Variants in KAT7 observed in about 807,000 individuals in gnomAD.
KAT7 encodes histone acetyltransferase KAT7.
Under a neutral mutation model 82.1 loss-of-function variants are expected in KAT7, and 10 were observed. The observed-to-expected ratio is 0.12, with a 90% confidence interval of 0.08 to 0.21. The LOEUF is 0.21. KAT7 is among the 10% of genes least tolerant of loss of function. KAT7 has a pLI of 1.00. For synonymous variants in KAT7, 250 were observed against 262.5 expected (o/e 0.95, Z 0.46); for missense variants, 378 against 760.9 (o/e 0.50, Z 5.92).
chr17:49,796,349 A>G (rs2073955712), intron 2 of KAT7, among the ~76,000 whole-genome samples: 1 of 152,256 alleles, frequency 6.6e-6, no homozygotes, highest in Non-Finnish European at 1.5e-5. Context: ...TGTACCACGG[A>G]TCATGTTAAG....
chr17:49,815,711 G>A, intron 7 of KAT7, 92 bp from the exon 8 acceptor site: 1 of 792,046 alleles, frequency 1.3e-6, no homozygotes, highest in South Asian at 1.5e-5. Flanking sequence ...ATAGCTTATG[G>A]TTGTGTGGTT....
At chr17:49,826,203 GGTAT>G in intron 13 of KAT7, 57 bp downstream of exon 13, 1 of 1,535,568 alleles carries the variant, frequency 6.5e-7, no homozygotes, top group Non-Finnish European at 9.0e-7. Flanking sequence ...AACTCTACTG[GGTAT>G]TGTGTTTCCC....
Position 49,808,680 on chromosome 17 carries a change from G to T in KAT7, c.664-439G>T, listed in dbSNP as rs555737936. ...TTGGCCAGGCTGGTCTCAAACTCCTGACCTTAGCTAATCTGCCCGCCTCAG... is the reference window on the plus strand; with the variant it reads ...TTGGCCAGGCTGGTCTCAAACTCCTTACCTTAGCTAATCTGCCCGCCTCAG... On this transcript the variant is annotated intron_variant, in intron 5 of 14. Coordinates refer to ENST00000259021, the MANE Select transcript of KAT7 (RefSeq NM_007067.5). Among the ~76,000 whole-genome samples the T allele has an allele frequency of 4.6e-5, 7 of 152,178 alleles. No homozygotes were observed. In the East Asian group the frequency reaches 9.7e-4, roughly 21 times the overall value.
chr17:49,794,858 T>C (rs569892024), intron 2 of KAT7, among the ~76,000 whole-genome samples: 11 of 152,280 alleles, frequency 7.2e-5, no homozygotes, highest in African/African-American at 2.4e-4. Flanking sequence ...TGTAAGGTGG[T>C]CCTCCCTAGA....
intron 4 of KAT7, 57 bp from the exon 5 acceptor site, chr17:49,805,305 CA>C: frequency 8.4e-7 from 1 of 1,196,308 alleles, no homozygotes; most frequent in Middle Eastern, 1.9e-4. Context: ...CTTAGAGAAA[CA>C]TACTACTTTC....
At position 49,826,685 on chromosome 17, in the gene KAT7, TG is replaced by T; in HGVS notation, c.1628-7del. 1 of 1,604,296 alleles carries T rather than the reference TG, an allele frequency of 6.2e-7. No homozygotes were observed. On this transcript the variant is annotated splice_polypyrimidine_tract_variant and splice_region_variant and intron_variant, in intron 13 of 14. Coordinates refer to ENST00000259021, the MANE Select transcript of KAT7 (RefSeq NM_007067.5). Reference sequence around the variant, plus strand: ...TTGGCCAGGTTGTCAGTACTTCTTCTGTTTCAGAAATCAGTCAGGAGACGGC... The same window carrying T: ...TTGGCCAGGTTGTCAGTACTTCTTCTTTTCAGAAATCAGTCAGGAGACGGC...
intron 4 of KAT7, among the ~76,000 whole-genome samples, chr17:49,803,429 T>C (rs139501706): frequency 6.6e-6 from 1 of 151,194 alleles, no homozygotes; most frequent in Non-Finnish European, 1.5e-5. Context: ...TTATTTATTT[T>C]ATTTTATTTT....
At chr17:49,819,157 C>T (rs1054387322) in intron 9 of KAT7, among the ~76,000 whole-genome samples, 2 of 152,050 alleles carry the variant, frequency 1.3e-5, no homozygotes, top group African/African-American at 2.4e-5. Context: ...CCCAGGTTTC[C>T]TGTGATTTCT....
chr17:49,816,008 T>C (rs2074229446), intron 8 of KAT7, 95 bp downstream of exon 8: 2 of 699,960 alleles, frequency 2.9e-6, no homozygotes, highest in Non-Finnish European at 5.0e-6. Context: ...GGGAATTAAA[T>C]GTACCTTGCT....
At position 49,805,457 on chromosome 17, in the gene KAT7, C is replaced by T. The variant is rs2074079349; in HGVS notation, c.663+12C>T. ...CTGACGAATGCAAGGTAATTGTGCT[C>T]TCATTTATTCAACACATGCTTATTG... On this transcript the variant is annotated intron_variant, in intron 5 of 14. Transcript: ENST00000259021. 1 of 1,589,412 alleles carries T rather than the reference C, an allele frequency of 6.3e-7. No individual in the cohort carries two copies. The highest frequency in any genetic ancestry group is 8.6e-7 in the Non-Finnish European group (1 of 1,157,954).
intron 2 of KAT7, among the ~76,000 whole-genome samples, chr17:49,794,750 A>G (rs1214110579): frequency 1.3e-5 from 2 of 152,240 alleles, no homozygotes; most frequent in African/African-American, 4.8e-5. Flanking sequence ...TATTCAAAAC[A>G]GCTAGGAAAT....
In KAT7 at chr17:49,828,929, G is replaced by A. The variant is rs2074399590; in HGVS notation, c.*1427G>A. 1 of 152,996 alleles carries A rather than the reference G, an allele frequency of 6.5e-6. No homozygotes were observed. Among genetic ancestry groups the A allele is most frequent in the Admixed American group, 6.5e-5 (1 of 15,272 alleles). The allele number at this position is 152,996 out of a possible 1,614,324, so 9.5% of individuals were successfully genotyped here. On this transcript the variant is annotated 3_prime_UTR_variant, in exon 15 of 15. Transcript: ENST00000259021. ...GAGCTAATTTTAAGCATGTTCAGTG[G>A]CAGCTCCCCTCCAGTTTCAGTGTCA...
At chr17:49,803,451 G>C (rs941668404) in intron 4 of KAT7, among the ~76,000 whole-genome samples, 6 of 150,554 alleles carry the variant, frequency 4.0e-5, no homozygotes, top group Non-Finnish European at 8.9e-5. Context: ...TTGAGATGGA[G>C]TCTCGCTTTG....
At chr17:49,811,718 G>T in intron 7 of KAT7, 144 bp downstream of exon 7, 1 of 406,638 alleles carries the variant, frequency 2.5e-6, no homozygotes, top group Non-Finnish European at 4.5e-6. Context: ...GGCACTTAGA[G>T]TTTATTTCAT....
intron 2 of KAT7, among the ~76,000 whole-genome samples, chr17:49,795,854 T>C (rs1289329214): frequency 1.3e-5 from 2 of 152,202 alleles, no homozygotes; most frequent in Non-Finnish European, 2.9e-5. Context: ...GTGGTAAGAA[T>C]CTAGTTTATT....
intron 14 of KAT7, 128 bp downstream of exon 14, chr17:49,826,927 C>T (rs182224750): frequency 1.5e-5 from 9 of 603,246 alleles, no homozygotes; most frequent in Admixed American, 3.0e-5. Flanking sequence ...TTTACTGGGT[C>T]TCATTTCTGT....
chr17:49,833,972 A>G lies in KAT7; in HGVS notation c.*6470A>G, dbSNP rs1475043085. On this transcript the variant is annotated 3_prime_UTR_variant, in exon 15 of 15. Coordinates refer to ENST00000259021, the MANE Select transcript of KAT7 (RefSeq NM_007067.5). ...ACCACCTTGTGCAATTCCAGGGGAC[A>G]CTGTTTATGTTCCGTGTAAATGGCA... 7.9e-5 allele frequency: 12 copies of G among 152,136 alleles called. No homozygotes were observed. Among genetic ancestry groups the G allele is most frequent in the African/African-American group, 2.9e-4 (12 of 41,412 alleles). The allele number at this position is 152,136 out of a possible 1,614,324, so 9.4% of individuals were successfully genotyped here. A position where few individuals can be genotyped will look rare whatever the true frequency, so the allele number is the denominator to read the frequency against.
intron 5 of KAT7, among the ~76,000 whole-genome samples, chr17:49,806,902 CAGG>C (rs766879357): frequency 3.3e-5 from 5 of 152,200 alleles, no homozygotes; most frequent in Non-Finnish European, 4.4e-5. Flanking sequence ...CATGGAGGAT[CAGG>C]AGAATTTCTG....
Position 49,829,895 on chromosome 17 carries a change from T to C in KAT7, c.*2393T>C, listed in dbSNP as rs2144010948. 1 of 152,216 alleles carries C rather than the reference T, an allele frequency of 6.6e-6. No individual in the cohort carries two copies. The highest frequency in any genetic ancestry group is 2.4e-5 in the African/African-American group (1 of 41,510). 9.4% of individuals were successfully genotyped at this position (152,216 alleles called of 1,614,324 possible). Reference sequence around the variant, plus strand: ...ATCCCATTTCATTCCGTTTTTTTTTTTTTGAGTCAGAGTCTGGCTCTGTTG... The same window carrying C: ...ATCCCATTTCATTCCGTTTTTTTTTCTTTGAGTCAGAGTCTGGCTCTGTTG... On this transcript the variant is annotated 3_prime_UTR_variant, in exon 15 of 15. Transcript: ENST00000259021.
Sources: allele counts gnomAD v4.1 joint callset (sites outside exome capture counted in the v4.1 genomes callset), GRCh38; gene constraint gnomAD v4.1.1; transcripts MANE v1.5; gene names NCBI Gene and HGNC (gene_info 2026-07-23, HGNC 2026-07-21).